Variants in INTU observed in about 807,000 individuals in gnomAD.
INTU encodes the protein inturned planar cell polarity protein, also known as protein inturned.
In INTU, 68 loss-of-function variants were observed where a neutral mutation model predicts 100.5. That is an observed-to-expected ratio of 0.68 (90% CI 0.56 to 0.83). The LOEUF (loss-of-function observed/expected upper bound fraction) is 0.83, where lower values mean the gene tolerates loss of function less well. Among genes scored for constraint, INTU ranks in the 40% least tolerant of loss-of-function variants. INTU has a pLI of 0.00. For synonymous variants in INTU, 357 were observed against 395.7 expected (o/e 0.90, Z 1.16); for missense variants, 1,071 against 1,114.7 (o/e 0.96, Z 0.56).
Position 127,691,962 on chromosome 4 carries a change from G to GTGTA in INTU, c.1449+4096_1449+4097insGTAT. On this transcript the variant is annotated intron_variant, in intron 8 of 15. Transcript: ENST00000335251. The stretch of plus-strand genomic sequence containing the variant: ...GGCGGAGTATAGTGTTCCATGGTAT[G>GTGTA]TATATATATATATATATATGTCACA... 9.5e-3 allele frequency among the ~76,000 whole-genome samples: 935 copies of GTGTA among 98,262 alleles called. 126 individuals carry two copies. The highest frequency in any genetic ancestry group is 0.047 in the Middle Eastern group (8 of 172). The allele number at this position is 98,262 out of a possible 152,430, so 64.5% of individuals were successfully genotyped here.
At chr4:127,654,311 G>A (rs981205944) in intron 2 of INTU, among the ~76,000 whole-genome samples, 27 of 152,234 alleles carry the variant, frequency 1.8e-4, no homozygotes, top group East Asian at 1.7e-3. Context: ...CAGTTTCTTC[G>A]TAGTCTCAAT....
rs774995202 is a variant in INTU, at chr4:127,687,758, A to C, written c.1340A>C (p.Lys447Thr). The change falls in exon 8 of 16, where the codon AAA becomes ACA. Residue 447 changes from lysine (K) to threonine (T), a missense_variant. Coordinates refer to ENST00000335251, the MANE Select transcript of INTU (RefSeq NM_015693.4). ...TTTCAAAGAGCACTTCAGCCTGCGA[A>C]ACTGCATTCCAGCGCCAGTCCCAGT... The part of the protein sequence containing the change: ...LFFQRALQPA[K>T]LHSSASPSAQ... The C allele has an allele frequency of 1.2e-6, 2 of 1,613,600 alleles. No individual in the cohort carries two copies. The highest frequency in any genetic ancestry group is 8.5e-7 in the Non-Finnish European group (1 of 1,179,684).
intron 14 of INTU, 83 bp from the exon 15 acceptor site, chr4:127,713,853 G>T: frequency 3.0e-6 from 3 of 984,914 alleles, no homozygotes; most frequent in South Asian, 2.1e-5. Context: ...ATTTGGATCA[G>T]CCAATTCAGA....
At chr4:127,688,342 A>G (rs1166340277) in intron 8 of INTU, among the ~76,000 whole-genome samples, 2 of 152,216 alleles carry the variant, frequency 1.3e-5, no homozygotes, top group Non-Finnish European at 2.9e-5. Context: ...ATCGCATACC[A>G]ATAGTAAAAC....
At chr4:127,705,444 T>C in intron 10 of INTU, 147 bp from the exon 11 acceptor site, 1 of 655,062 alleles carries the variant, frequency 1.5e-6, no homozygotes, top group Admixed American at 2.9e-5. Flanking sequence ...AAAAGAAACA[T>C]TTACTTTTAC....
At chr4:127,649,447 G>A (rs912920278) in intron 2 of INTU, among the ~76,000 whole-genome samples, 2 of 151,930 alleles carry the variant, frequency 1.3e-5, no homozygotes, top group African/African-American at 2.4e-5. Context: ...CTACCAACAC[G>A]ATTCTACATA....
At chr4:127,639,645 T>G (rs975617311) in intron 1 of INTU, among the ~76,000 whole-genome samples, 1 of 152,136 alleles carries the variant, frequency 6.6e-6, no homozygotes, top group African/African-American at 2.4e-5. Flanking sequence ...AATTGACACA[T>G]AATAATTACA....
intron 3 of INTU, among the ~76,000 whole-genome samples, 167 bp downstream of exon 3, chr4:127,656,888 C>G (rs1372339926): frequency 6.6e-6 from 1 of 152,096 alleles, no homozygotes; most frequent in Non-Finnish European, 1.5e-5. Flanking sequence ...ATATTATTAG[C>G]TTCTGGAGAT....
intron 7 of INTU, 61 bp from the exon 8 acceptor site, chr4:127,687,617 C>G: frequency 1.5e-6 from 2 of 1,343,224 alleles, no homozygotes; most frequent in Non-Finnish European, 2.1e-6. Flanking sequence ...CCCTTAGGAG[C>G]ACACAAAAAA....
At chr4:127,670,149 GT>G (rs540776387) in intron 5 of INTU, among the ~76,000 whole-genome samples, 2 of 150,910 alleles carry the variant, frequency 1.3e-5, no homozygotes, top group Non-Finnish European at 3.0e-5. Context: ...TAGGTTTTGT[GT>G]TTTTTTTCAT....
At chr4:127,713,150 T>C (rs1456523942) in intron 14 of INTU, among the ~76,000 whole-genome samples, 1 of 152,210 alleles carries the variant, frequency 6.6e-6, no homozygotes, top group Non-Finnish European at 1.5e-5. Flanking sequence ...GATCCGTAAT[T>C]TTTTTAAAGG....
intron 4 of INTU, among the ~76,000 whole-genome samples, chr4:127,665,962 A>G (rs992664972): frequency 1.3e-5 from 2 of 152,082 alleles, no homozygotes; most frequent in Admixed American, 1.3e-4. Flanking sequence ...TCTCTAATCT[A>G]TTTGAAGATA....
At chr4:127,697,745 G>A (rs1730457286) in intron 8 of INTU, among the ~76,000 whole-genome samples, 1 of 152,068 alleles carries the variant, frequency 6.6e-6, no homozygotes. Context: ...TTTCTCTTGA[G>A]ATTTCTCATT....
intron 15 of INTU, among the ~76,000 whole-genome samples, chr4:127,715,052 G>C (rs1414443279): frequency 6.6e-6 from 1 of 151,920 alleles, no homozygotes. Flanking sequence ...TTATATATAT[G>C]TGTGTGTATA....
chr4:127,704,207 C>G, intron 9 of INTU, 21 bp from the exon 10 acceptor site: 1 of 1,582,836 alleles, frequency 6.3e-7, no homozygotes, highest in Non-Finnish European at 8.6e-7. Flanking sequence ...ATATAAAATC[C>G]ACTATGAATT....
rs556155950 is a variant in INTU at position 127,669,086 on chromosome 4, A to T, written c.1023A>T (p.Lys341Asn). ...YPMSEASQKLKSVRGIFLTLC... is the reference protein window; with the variant it reads ...YPMSEASQKLNSVRGIFLTLC... ...TGTCTGAAGCATCTCAGAAACTTAA[A>T]AGTGTGAGAGGGATTTTTCTCACAC... Residue 341 changes from lysine to asparagine, a missense_variant, in exon 5 of 16, where the codon AAA becomes AAT. By Grantham distance (94) the Lys-to-Asn change is moderately conservative. Coordinates refer to ENST00000335251, the MANE Select transcript of INTU (RefSeq NM_015693.4). The T allele has an allele frequency of 5.8e-6, 9 of 1,550,240 alleles. No individual in the cohort carries two copies. The Middle Eastern group carries it at 8.6e-4, about 148-fold the overall frequency.
chr4:127,689,758 GAGGCA>G (rs1172010792), intron 8 of INTU, among the ~76,000 whole-genome samples: 1 of 151,658 alleles, frequency 6.6e-6, no homozygotes, highest in East Asian at 1.9e-4. Context: ...GGGGAGGGAA[GAGGCA>G]AGGGAAGGGA....
intron 2 of INTU, among the ~76,000 whole-genome samples, chr4:127,654,712 C>T (rs1728093018): frequency 6.8e-6 from 1 of 147,402 alleles, no homozygotes; most frequent in Non-Finnish European, 1.5e-5. Context: ...TGGAGTTGCT[C>T]TTCTCGAGGA....
At position 127,684,444 on chromosome 4, in the gene INTU, A is replaced by G; in HGVS notation, c.1217A>G (p.Asn406Ser). Residue 406 changes from asparagine to serine, a missense_variant, in exon 7 of 16, where the codon AAT (asparagine) becomes AGT (serine). Physicochemically the swap from Asn to Ser is conservative, Grantham distance 46. Transcript: ENST00000335251. ...PLPRLRNMIE[N>S]VIQTLKFMYG... is the part of the protein sequence containing the mutation. ...CCTCGTCTAAGGAACATGATAGAAA[A>G]TGTCATCCAAACCTTAAAATTTATG... 1 of 1,602,778 alleles carries G rather than the reference A, an allele frequency of 6.2e-7. No individual in the cohort carries two copies. Among genetic ancestry groups the G allele is most frequent in the Non-Finnish European group, 8.5e-7 (1 of 1,174,092 alleles).
Sources: allele counts gnomAD v4.1 joint callset (sites outside exome capture counted in the v4.1 genomes callset), GRCh38; gene constraint gnomAD v4.1.1; transcripts MANE v1.5; gene names NCBI Gene and HGNC (gene_info 2026-07-23, HGNC 2026-07-21).